The following COL6A3 variants were observed in gnomAD, a reference collection of about 807,000 sequenced individuals.
The protein encoded by COL6A3 is collagen type VI alpha 3 chain, also known as collagen alpha-3(VI) chain.
Under a neutral mutation model 274.1 loss-of-function variants are expected in COL6A3, and 137 were observed. That is an observed-to-expected ratio of 0.50 (90% confidence interval 0.44 to 0.58). The LOEUF (loss-of-function observed/expected upper bound fraction) is 0.58, where lower values mean the gene tolerates loss of function less well. COL6A3 is among the 20% of genes least tolerant of loss of function. The probability of loss-of-function intolerance (pLI) is 0.00; values close to 1 mark genes in which losing one functional copy is unlikely to be tolerated. For missense variants in COL6A3, 3,950 were observed against 4,124.9 expected (o/e 0.96, Z 1.16); for synonymous variants, 1,650 against 1,650.6 (o/e 1.00, Z 0.01).
At chr2:237,351,331 AC>A (rs1455921452) in intron 26 of COL6A3, 139 bp from the exon 27 acceptor site, 15 of 769,324 alleles carry the variant, frequency 1.9e-5, no homozygotes, top group Non-Finnish European at 3.3e-5. Flanking sequence ...AATCCCAAGC[AC>A]TCAGCTCTGA....
chr2:237,377,443 A>C, intron 6 of COL6A3, 99 bp from the exon 7 acceptor site: 2 of 1,163,908 alleles, frequency 1.7e-6, no homozygotes, highest in Middle Eastern at 2.5e-4. Context: ...AGTTGGTGAA[A>C]CTCATCTGAT....
At position 237,366,778 on chromosome 2, in the gene COL6A3, C is replaced by T. The variant is rs1226297010; in HGVS notation, c.5409G>A (p.Gln1803=). 1.2e-6 allele frequency: 2 copies of T among 1,614,158 alleles called. No individual in the cohort carries two copies. Among genetic ancestry groups the T allele is most frequent in the African/African-American group, 1.3e-5 (1 of 74,952 alleles). ...SATAFRVGNV[Q]ELSELSEQVL... Reference sequence around the variant, plus strand: ...CTTGCTCGCTCAGTTCGGACAGCTCCTGGACGTTGCCCACGCGGAACGCTG... The same window carrying T: ...CTTGCTCGCTCAGTTCGGACAGCTCTTGGACGTTGCCCACGCGGAACGCTG... Residue 1803 remains glutamine (Q), a synonymous_variant, in exon 11 of 44, where the codon CAG becomes CAA. Transcript: ENST00000295550.
chr2:237,394,746 C>G lies in COL6A3; in HGVS notation c.550G>C (p.Ala184Pro). ...GGTTCACTTGCTATTTCTTTTAACG[C>G]TCCTTCATCTGCATCCTCAACTCCA... ...AIGVEDADEG[A>P]LKEIASEPLN... The change falls in exon 3 of 44, where the codon GCG becomes CCG. Residue 184 changes from alanine (A) to proline (P), a missense_variant. Physicochemically the swap from Ala to Pro is conservative, Grantham distance 27. Transcript: ENST00000295550. The G allele has an allele frequency of 6.2e-7, 1 of 1,614,242 alleles. No homozygotes were observed. Among genetic ancestry groups the G allele is most frequent in the Non-Finnish European group, 8.5e-7 (1 of 1,180,044 alleles).
intron 1 of COL6A3, 85 bp from the exon 2 acceptor site, chr2:237,396,932 C>A (rs553340352): frequency 4.4e-5 from 40 of 902,118 alleles, no homozygotes; most frequent in Non-Finnish European, 7.0e-5. Flanking sequence ...CTTTCTACGT[C>A]CTTTTTAGAC....
chr2:237,375,028 G>A lies in COL6A3; in HGVS notation c.3071-8C>T, dbSNP rs749711013. 4 of 1,613,116 alleles carry A rather than the reference G, an allele frequency of 2.5e-6. No individual in the cohort carries two copies. In the African/African-American group the frequency reaches 5.3e-5, roughly 22 times the overall value. ...CGTCCTTTTCACCTGAAACTGGGAG[G>A]AGGACAGCCTGGTAACTCACACAGG... On this transcript the variant is annotated splice_region_variant and splice_polypyrimidine_tract_variant and intron_variant, in intron 7 of 43. Transcript: ENST00000295550.
chr2:237,411,592 G>A (rs1281476976), intron 1 of COL6A3, among the ~76,000 whole-genome samples: 4 of 152,136 alleles, frequency 2.6e-5, no homozygotes, highest in Non-Finnish European at 5.9e-5. Context: ...ATCAACAATC[G>A]ACTGAAGAGA....
chr2:237,377,931 C>T (rs535282578), intron 6 of COL6A3, among the ~76,000 whole-genome samples: 77 of 152,288 alleles, frequency 5.1e-4, no homozygotes, highest in African/African-American at 1.7e-3. Context: ...TGTAATGAGA[C>T]AATAGGAAAC....
At chr2:237,365,274 G>A (rs1283247431) in intron 12 of COL6A3, among the ~76,000 whole-genome samples, 1 of 151,558 alleles carries the variant, frequency 6.6e-6, no homozygotes, top group Non-Finnish European at 1.5e-5. Context: ...ATAAATGTCT[G>A]TTCCAAAAGC....
Position 237,369,163 on chromosome 2 carries a change from C to A in COL6A3, c.4300G>T (p.Ala1434Ser). The part of the protein sequence containing the change: ...RYPPPAVESD[A>S]ADIVFLIDSS... The stretch of plus-strand genomic sequence containing the variant: ...TCGATCAGAAAGACAATGTCTGCAG[C>A]ATCACTCTCAACTGCTGCAGATCAA... Residue 1434 changes from alanine to serine, a missense_variant, in exon 10 of 44, where the codon GCT becomes TCT. Around this residue, in one of 5 missense-constraint regions of COL6A3, gnomAD observed 1,934 missense variants for 1,984.3 expected, o/e 0.97. Transcript: ENST00000295550. The A allele has an allele frequency of 6.2e-7, 1 of 1,611,682 alleles. No individual in the cohort carries two copies. Among genetic ancestry groups the A allele is most frequent in the East Asian group, 2.2e-5 (1 of 44,892 alleles).
chr2:237,401,848 C>A (rs2078598203), intron 1 of COL6A3, among the ~76,000 whole-genome samples: 1 of 152,012 alleles, frequency 6.6e-6, no homozygotes, highest in Admixed American at 6.6e-5. Context: ...CCCCACCCAG[C>A]TAAGCTTTGT....
At chr2:237,327,986 G>C (rs1700038281) in intron 42 of COL6A3, 1 of 152,180 alleles carries the variant, frequency 6.6e-6, no homozygotes, top group South Asian at 2.1e-4. Context: ...TGCCCCCCAG[G>C]TATAACCTGT....
chr2:237,368,509 T>TA lies in COL6A3; in HGVS notation c.4900+53dup, dbSNP rs945910828. 1.2e-3 allele frequency: 1,640 copies of TA among 1,359,870 alleles called. No homozygotes were observed. The highest frequency in any genetic ancestry group is 2.4e-3 in the South Asian group (177 of 73,806). 84.2% of individuals were successfully genotyped at this position (1,359,870 alleles called of 1,614,324 possible). A position where few individuals can be genotyped will look rare whatever the true frequency, so the allele number is the denominator to read the frequency against. Reference sequence around the variant, plus strand: ...AATGACTACTGATTACTTTTTTAACTAAAAAAAAAATGTTGATGTCACACT... The same window carrying TA: ...AATGACTACTGATTACTTTTTTAACTAAAAAAAAAAATGTTGATGTCACACT... On this transcript the variant is annotated intron_variant, in intron 10 of 43. Transcript: ENST00000295550. This position sits in a 1 kb window ranked among gnomAD's most constrained non-coding sequence, Gnocchi z 4.4.
At chr2:237,334,316 C>T (rs1346905023) in intron 41 of COL6A3, among the ~76,000 whole-genome samples, 2 of 152,176 alleles carry the variant, frequency 1.3e-5, no homozygotes, top group Non-Finnish European at 2.9e-5. Flanking sequence ...GGAGACGTGG[C>T]CATCTTTCCC....
chr2:237,359,485 T>C lies in COL6A3; in HGVS notation c.6283-97A>G, dbSNP rs1046457561. On this transcript the variant is annotated intron_variant, in intron 17 of 43. Coordinates refer to ENST00000295550, the MANE Select transcript of COL6A3 (RefSeq NM_004369.4). ...GGGCTGTTCCCCCACTCCACCCCAT[T>C]TGAATGTTGCAGTGTCTGAAAATGT... 5 of 1,257,710 alleles carry C rather than the reference T, an allele frequency of 4.0e-6. No homozygotes were observed. In the African/African-American group the frequency reaches 5.9e-5, roughly 15 times the overall value. 77.9% of individuals were successfully genotyped at this position (1,257,710 alleles called of 1,614,324 possible).
Position 237,380,816 on chromosome 2 carries a change from G to T in COL6A3, c.1897+99C>A, listed in dbSNP as rs1470127232. ...GTTGCTGCTGTTTTCATCATTTGTT[G>T]TCTCTTAGCTAAACACAAACACACT... On this transcript the variant is annotated intron_variant, in intron 5 of 43. Coordinates refer to ENST00000295550, the MANE Select transcript of COL6A3 (RefSeq NM_004369.4). The T allele has an allele frequency of 2.7e-5, 30 of 1,100,018 alleles. No homozygotes were observed. In the East Asian group the frequency reaches 7.4e-4, roughly 27 times the overall value. The allele number at this position is 1,100,018 out of a possible 1,614,324, so 68.1% of individuals were successfully genotyped here.
intron 10 of COL6A3, among the ~76,000 whole-genome samples, chr2:237,367,835 G>T (rs559060887): frequency 2.0e-5 from 3 of 152,202 alleles, no homozygotes; most frequent in Non-Finnish European, 4.4e-5. Flanking sequence ...CAGTGGTGTG[G>T]AGGGTAATTT....
Position 237,388,033 on chromosome 2 carries a change from G to C in COL6A3, c.861C>G (p.Ser287Arg), listed in dbSNP as rs756380512. Residue 287 changes from serine (S) to arginine (R), a missense_variant, in exon 4 of 44, where the codon AGC becomes AGG. By Grantham distance (110) the Ser-to-Arg change is moderately radical. This residue lies in a region of COL6A3 where 1,934 missense variants were observed against 1,984.3 expected (regional missense o/e 0.97). Transcript: ENST00000295550. ...QQIRVGVVQF[S>R]DEPRTMFSLD... ...AGGAGAACATGGTTCTGGGCTCATC[G>C]CTAAACTGGACCACCCCCACTCGGA... 44 of 1,614,064 alleles carry C rather than the reference G, an allele frequency of 2.7e-5. No homozygotes were observed. The highest frequency in any genetic ancestry group is 3.5e-5 in the Non-Finnish European group (41 of 1,180,044).
intron 32 of COL6A3, among the ~76,000 whole-genome samples, chr2:237,345,791 G>A (rs1192785583): frequency 6.6e-6 from 1 of 152,110 alleles, no homozygotes; most frequent in African/African-American, 2.4e-5. Flanking sequence ...CTGGCTTAAT[G>A]TGCTCCCCCC....
At chr2:237,362,976 T>A (rs983186917) in intron 14 of COL6A3, among the ~76,000 whole-genome samples, 3 of 152,202 alleles carry the variant, frequency 2.0e-5, no homozygotes, top group African/African-American at 7.2e-5. Flanking sequence ...AAGAGGCCGT[T>A]GCTAAGGGAG....
Sources: allele counts gnomAD v4.1 joint callset (sites outside exome capture counted in the v4.1 genomes callset), GRCh38; gene constraint gnomAD v4.1.1; regional missense constraint gnomAD v4.1.1; non-coding constraint Gnocchi (gnomAD v3.1); transcripts MANE v1.5; gene names NCBI Gene and HGNC (gene_info 2026-07-23, HGNC 2026-07-21).